ZC3H12B: variants seen among roughly 807,000 people sequenced by gnomAD.
ZC3H12B encodes probable ribonuclease ZC3H12B.
ZC3H12B carries 7 observed loss-of-function variants against 43.9 expected under a neutral mutation model. That is an observed-to-expected ratio of 0.16 (90% CI 0.09 to 0.30). The LOEUF (loss-of-function observed/expected upper bound fraction) is 0.30. Ranked by LOEUF, ZC3H12B falls within the 10% of genes least tolerant of loss-of-function variation. ZC3H12B has a pLI of 1.00. For missense variants in ZC3H12B, 475 were observed against 670.2 expected (o/e 0.71, Z 3.22); for synonymous variants, 222 against 241.7 (o/e 0.92, Z 0.76).
chrX:65,200,582 A>C, the ZC3H12B span, among the ~76,000 whole-genome samples: 1 of 107,387 alleles, frequency 9.3e-6, no homozygotes, highest in East Asian at 2.9e-4. Context: ...ACAGGTGCAC[A>C]CCACCACACC....
chrX:65,409,887 A>G (rs987224548), intron 3 of ZC3H12B, among the ~76,000 whole-genome samples: 8 of 111,121 alleles, frequency 7.2e-5, no homozygotes, highest in Non-Finnish European at 1.5e-4. Context: ...TTCATACTAC[A>G]CAAAGCAATC....
At chrX:65,410,086 C>T (rs2066885013) in intron 3 of ZC3H12B, among the ~76,000 whole-genome samples, 1 of 93,295 alleles carries the variant, frequency 1.1e-5, no homozygotes, top group South Asian at 5.3e-4. Context: ...ATCAAATCAG[C>T]ATGGTACTGG....
chrX:65,431,695 T>C (rs1323808061), intron 3 of ZC3H12B, among the ~76,000 whole-genome samples: 5 of 112,583 alleles, frequency 4.4e-5, no homozygotes, highest in Admixed American at 1.9e-4. Flanking sequence ...GATTTATCTA[T>C]GTAATTATTC....
chrX:65,309,649 C>T, the ZC3H12B span, among the ~76,000 whole-genome samples: 2 of 111,996 alleles, frequency 1.8e-5, no homozygotes, highest in Admixed American at 9.5e-5. Flanking sequence ...TTTTATGATG[C>T]CAGCATCATT....
At chrX:65,328,370 C>T in the ZC3H12B span, 1 of 236,104 alleles carries the variant, frequency 4.2e-6, no homozygotes, top group East Asian at 1.1e-4. Context: ...TTGCATGATC[C>T]TTTATAATGA....
the ZC3H12B span, among the ~76,000 whole-genome samples, chrX:65,064,651 A>C: frequency 2.7e-5 from 3 of 111,724 alleles, no homozygotes; most frequent in African/African-American, 9.8e-5. Flanking sequence ...GTAGATGTCT[A>C]TTAGGTCCAC....
the ZC3H12B span, among the ~76,000 whole-genome samples, chrX:65,191,629 T>C: frequency 2.4e-5 from 2 of 82,436 alleles, no homozygotes; most frequent in Admixed American, 1.3e-4. Flanking sequence ...TGTATTTCTG[T>C]GGGATCAGTG....
intron 3 of ZC3H12B, among the ~76,000 whole-genome samples, chrX:65,476,415 C>T (rs1442576730): frequency 9.0e-6 from 1 of 111,713 alleles, no homozygotes; most frequent in Non-Finnish European, 1.9e-5. Context: ...ATTTCTTTCT[C>T]TCTTTTTTTG....
the ZC3H12B span, among the ~76,000 whole-genome samples, chrX:65,140,416 G>A: frequency 9.0e-6 from 1 of 111,527 alleles, no homozygotes; most frequent in East Asian, 2.8e-4. Context: ...TGTATATATT[G>A]AACTATCCTT....
chrX:65,251,694 T>G, the ZC3H12B span, among the ~76,000 whole-genome samples: 1 of 111,721 alleles, frequency 9.0e-6, no homozygotes. Context: ...TTATTCCCTT[T>G]GAAGCAATTG....
the ZC3H12B span, among the ~76,000 whole-genome samples, chrX:65,219,849 C>A: frequency 9.2e-6 from 1 of 108,132 alleles, no homozygotes; most frequent in Non-Finnish European, 1.9e-5. Flanking sequence ...CACACACACA[C>A]ACAAAACACC....
At chrX:65,224,621 CAAAG>C in the ZC3H12B span, among the ~76,000 whole-genome samples, 2 of 112,093 alleles carry the variant, frequency 1.8e-5, no homozygotes, top group Non-Finnish European at 3.8e-5. Flanking sequence ...CTTTCCTAGT[CAAAG>C]AAAGGGGTGA....
At chrX:65,320,048 C>G in the ZC3H12B span, among the ~76,000 whole-genome samples, 1 of 111,063 alleles carries the variant, frequency 9.0e-6, no homozygotes, top group Non-Finnish European at 1.9e-5. Context: ...AAATCCTGCC[C>G]AGAGCAATCA....
chrX:65,192,870 T>G, the ZC3H12B span, among the ~76,000 whole-genome samples: 2 of 111,023 alleles, frequency 1.8e-5, no homozygotes, highest in Non-Finnish European at 3.8e-5. Flanking sequence ...CTCGACTAGT[T>G]TCAAGCGATT....
the ZC3H12B span, among the ~76,000 whole-genome samples, chrX:65,146,143 A>G: frequency 2.7e-5 from 3 of 111,219 alleles, no homozygotes; most frequent in East Asian, 5.7e-4. Flanking sequence ...GTCATTTAAC[A>G]TAATCCCAGG....
chrX:65,431,691 T>A (rs1042751417), intron 3 of ZC3H12B, among the ~76,000 whole-genome samples: 2 of 112,512 alleles, frequency 1.8e-5, no homozygotes, highest in Non-Finnish European at 3.8e-5. Context: ...GAGAGATTTA[T>A]CTATGTAATT....
the ZC3H12B span, among the ~76,000 whole-genome samples, chrX:65,118,362 TTGTC>T: frequency 4.5e-5 from 5 of 111,554 alleles, no homozygotes; most frequent in Admixed American, 9.5e-5. Flanking sequence ...GGCTCTCTGT[TTGTC>T]TGTTATTGGT....
At chrX:65,277,125 G>T in the ZC3H12B span, among the ~76,000 whole-genome samples, 15 of 111,720 alleles carry the variant, frequency 1.3e-4, no homozygotes, top group African/African-American at 4.9e-4. Flanking sequence ...GACAAAAAAT[G>T]AGTTATATAA....
the ZC3H12B span, among the ~76,000 whole-genome samples, chrX:65,243,518 G>C: frequency 8.9e-6 from 1 of 112,074 alleles, no homozygotes; most frequent in Non-Finnish European, 1.9e-5. Flanking sequence ...TACATTCTTT[G>C]TGGGAATGTA....
Sources: allele counts gnomAD v4.1 joint callset (sites outside exome capture counted in the v4.1 genomes callset), GRCh38; gene constraint gnomAD v4.1.1; transcripts MANE v1.5; gene names NCBI Gene and HGNC (gene_info 2026-07-23, HGNC 2026-07-21).